TBCCD1: variants seen among roughly 807,000 people sequenced by gnomAD.
TBCCD1 encodes TBCC domain-containing protein 1.
TBCCD1 carries 26 observed loss-of-function variants against 53.4 expected under a neutral mutation model. The ratio of observed to expected loss-of-function variants is 0.49; its 90% confidence interval spans 0.36 to 0.68. The LOEUF (loss-of-function observed/expected upper bound fraction) is 0.68. TBCCD1 is among the 30% of genes least tolerant of loss of function. The pLI is 0.00. For missense variants in TBCCD1, 558 were observed against 669.5 expected (o/e 0.83, Z 1.84); for synonymous variants, 245 against 241.7 (o/e 1.01, Z -0.13).
chr3:186,565,779 A>C (rs1473478068), intron 1 of TBCCD1, among the ~76,000 whole-genome samples: 1 of 152,178 alleles, frequency 6.6e-6, no homozygotes, highest in Non-Finnish European at 1.5e-5. Flanking sequence ...TCTGTGTGAA[A>C]ATTTTCAGAT....
chr3:186,569,647 T>C (rs1444639886), upstream of TBCCD1, among the ~76,000 whole-genome samples: 1 of 144,826 alleles, frequency 6.9e-6, no homozygotes, highest in East Asian at 2.0e-4. Context: ...TTTTAAATCA[T>C]GGAGTGAGGG....
intron 6 of TBCCD1, 83 bp downstream of exon 6, chr3:186,554,171 C>A: frequency 1.3e-6 from 2 of 1,566,062 alleles, no homozygotes; most frequent in South Asian, 2.3e-5. Context: ...TACTTTAGCA[C>A]AGCTGTAAAA....
chr3:186,551,524 A>T (rs1433629237), intron 6 of TBCCD1, among the ~76,000 whole-genome samples: 1 of 152,196 alleles, frequency 6.6e-6, no homozygotes, highest in Non-Finnish European at 1.5e-5. Flanking sequence ...AACACTGGGT[A>T]CTGTTCTGAC....
At chr3:186,566,788 G>A (rs1456635033) in intron 1 of TBCCD1, among the ~76,000 whole-genome samples, 2 of 152,206 alleles carry the variant, frequency 1.3e-5, no homozygotes, top group Non-Finnish European at 2.9e-5. Flanking sequence ...CCAATGTGGA[G>A]AGACTGGAGT....
At chr3:186,550,931 T>A (rs1462503383) in intron 7 of TBCCD1, among the ~76,000 whole-genome samples, 198 bp downstream of exon 7, 1 of 152,196 alleles carries the variant, frequency 6.6e-6, no homozygotes, top group African/African-American at 2.4e-5. Context: ...GGCCCCAAAT[T>A]CTATAGGCTC....
Position 186,564,305 on chromosome 3 carries a change from A to C in TBCCD1, c.25T>G (p.Trp9Gly), listed in dbSNP as rs1714767813. 5 of 1,613,940 alleles carry C rather than the reference A, an allele frequency of 3.1e-6. No homozygotes were observed. In the South Asian group the frequency reaches 5.5e-5, roughly 18 times the overall value. ...ACTATAAAGGGTTCTGCTTTCACCCAGAGGAGAACTCTGGACTGATCCATA... is the reference window on the plus strand; with the variant it reads ...ACTATAAAGGGTTCTGCTTTCACCCCGAGGAGAACTCTGGACTGATCCATA... MDQSRVLL[W>G]VKAEPFIVGA... Residue 9 changes from tryptophan to glycine, a missense_variant, in exon 2 of 8, where the codon TGG (tryptophan) becomes GGG (glycine). Physicochemically the swap from Trp to Gly is radical, Grantham distance 184 (BLOSUM62 -2). Coordinates refer to ENST00000338733, the MANE Select transcript of TBCCD1 (RefSeq NM_018138.5).
chr3:186,558,564 C>T lies in TBCCD1; in HGVS notation c.345G>A (p.Val115=). The part of the protein sequence containing the change: ...EVEKQRNQLS[V]DTLQFLLFLY... ...AGAAGAGCAGAAACTGTAGCGTGTCCACTGAAAGCTGTCCAAGAAGAAAAT... is the reference window on the plus strand; with the variant it reads ...AGAAGAGCAGAAACTGTAGCGTGTCTACTGAAAGCTGTCCAAGAAGAAAAT... Residue 115 remains valine, a synonymous_variant, in exon 3 of 8, where the codon GTG becomes GTA. Transcript: ENST00000338733. The T allele has an allele frequency of 6.2e-7, 1 of 1,612,256 alleles. No homozygotes were observed. The highest frequency in any genetic ancestry group is 1.3e-5 in the African/African-American group (1 of 74,900).
In TBCCD1 at chr3:186,549,044, T is replaced by C. The variant is rs989867095; in HGVS notation, c.*21+2085A>G. 4.6e-5 allele frequency among the ~76,000 whole-genome samples: 7 copies of C among 152,248 alleles called. No individual in the cohort carries two copies. The East Asian group carries it at 1.2e-3, about 25-fold the overall frequency. ...GCTCATGCCTGTAATCCCAGCACTT[T>C]GGGAGGCCAAGGTGGGCAGATCACC... On this transcript the variant is annotated intron_variant, in intron 7 of 7. Transcript: ENST00000338733.
Position 186,556,477 on chromosome 3 carries a change from A to G in TBCCD1, c.791T>C (p.Leu264Ser). The G allele has an allele frequency of 6.2e-7, 1 of 1,609,684 alleles. No individual in the cohort carries two copies. The highest frequency in any genetic ancestry group is 2.2e-5 in the East Asian group (1 of 44,864). ...TGATGTACCAAATGGATTCCCAGTC[A>G]AACAGGACCTCAACCAGGTTTCCAG... ...YKLETWLRSC[L>S]TGNPFGTSAC... is the part of the protein sequence containing the mutation. Residue 264 changes from leucine (L) to serine (S), a missense_variant, in exon 4 of 8, where the codon TTG (leucine) becomes TCG (serine). Coordinates refer to ENST00000338733, the MANE Select transcript of TBCCD1 (RefSeq NM_018138.5).
At position 186,555,078 on chromosome 3, in the gene TBCCD1, C is replaced by T. The variant is rs766686598; in HGVS notation, c.866G>A (p.Gly289Glu). The part of the protein sequence containing the change: ...KKLAWAHQVE[G>E]TTKRAKIACN... Reference sequence around the variant, plus strand: ...AGCAATCTTAGCTCTTTTGGTGGTCCCTTCAACTATTTAAGAAAACATATA... The same window carrying T: ...AGCAATCTTAGCTCTTTTGGTGGTCTCTTCAACTATTTAAGAAAACATATA... Residue 289 changes from glycine (G) to glutamate (E), a missense_variant, in exon 5 of 8, where the codon GGG becomes GAG. Transcript: ENST00000338733. 8 of 1,591,436 alleles carry T rather than the reference C, an allele frequency of 5.0e-6. No individual in the cohort carries two copies. The highest frequency in any genetic ancestry group is 6.8e-6 in the Non-Finnish European group (8 of 1,170,746).
chr3:186,570,515 G>T (rs2108470622), upstream of TBCCD1: 2 of 491,316 alleles, frequency 4.1e-6, no homozygotes, highest in African/African-American at 2.0e-5. Context: ...GGCAGAGCGG[G>T]TTCCTGCAGC....
chr3:186,568,058 G>C (rs1212054657), upstream of TBCCD1, among the ~76,000 whole-genome samples: 1 of 152,110 alleles, frequency 6.6e-6, no homozygotes, highest in African/African-American at 2.4e-5. Context: ...AAATTAGACC[G>C]TAAAATGCAA....
chr3:186,568,758 A>C (rs1372728900), upstream of TBCCD1, among the ~76,000 whole-genome samples: 1 of 151,414 alleles, frequency 6.6e-6, no homozygotes, highest in Admixed American at 6.6e-5. Flanking sequence ...AAAAAATTAG[A>C]CGGACATGGT....
intron 2 of TBCCD1, among the ~76,000 whole-genome samples, chr3:186,561,313 C>A (rs1172358345): frequency 6.6e-6 from 1 of 152,164 alleles, no homozygotes; most frequent in Non-Finnish European, 1.5e-5. Flanking sequence ...TGAAGACATA[C>A]AAATGGCCAA....
chr3:186,549,018 C>T (rs755225718), intron 7 of TBCCD1, among the ~76,000 whole-genome samples: 1 of 152,036 alleles, frequency 6.6e-6, no homozygotes, highest in African/African-American at 2.4e-5. Context: ...CAGAAGCAGT[C>T]GCTCATGCCT....
chr3:186,556,294 G>A, intron 4 of TBCCD1, 115 bp downstream of exon 4: 1 of 1,180,648 alleles, frequency 8.5e-7, no homozygotes, highest in Non-Finnish European at 1.2e-6. Context: ...CTCTTTTATA[G>A]GAGCAGTATT....
At chr3:186,565,059 CAAGTA>C (rs1222983306) in intron 1 of TBCCD1, among the ~76,000 whole-genome samples, 3 of 150,744 alleles carry the variant, frequency 2.0e-5, no homozygotes, top group East Asian at 1.9e-4. Flanking sequence ...CACAATCCCA[CAAGTA>C]AAGGGCAACA....
At chr3:186,547,577 C>T (rs1714248902) in intron 7 of TBCCD1, among the ~76,000 whole-genome samples, 1 of 150,334 alleles carries the variant, frequency 6.7e-6, no homozygotes, top group African/African-American at 2.4e-5. Context: ...TCTTAATTCT[C>T]AGCATTTATT....
intron 7 of TBCCD1, among the ~76,000 whole-genome samples, chr3:186,549,965 G>A (rs952538024): frequency 1.1e-4 from 16 of 152,096 alleles, no homozygotes; most frequent in African/African-American, 1.4e-4. Context: ...GGTGGCTCAC[G>A]TCTGTAATCC....
Sources: gnomAD v4.1 joint callset for allele counts (sites outside exome capture counted in the v4.1 genomes callset) on GRCh38, gnomAD v4.1.1 for gene constraint, MANE v1.5 for transcripts, NCBI Gene and HGNC (gene_info 2026-07-23, HGNC 2026-07-21) for gene names.